NRG3: variants seen among roughly 807,000 people sequenced by gnomAD.
The protein encoded by NRG3 is pro-neuregulin-3, membrane-bound isoform.
A neutral mutation model predicts 66.9 loss-of-function variants in NRG3; 31 were observed. The observed-to-expected ratio is 0.46, with a 90% confidence interval of 0.35 to 0.63. The LOEUF (loss-of-function observed/expected upper bound fraction) is 0.63, where lower values mean the gene tolerates loss of function less well. Among genes scored for constraint, NRG3 ranks in the 20% least tolerant of loss-of-function variants. NRG3 has a pLI of 0.00. For synonymous variants in NRG3, 393 were observed against 359.4 expected, an observed-to-expected ratio of 1.09 and a Z score of -1.06; for missense variants, 910 against 878.9, an observed-to-expected ratio of 1.04 and a Z score of -0.45.
At chr10:82,406,838 G>C (rs1230218154) in intron 2 of NRG3, among the ~76,000 whole-genome samples, 1 of 152,026 alleles carries the variant, frequency 6.6e-6, no homozygotes, top group Non-Finnish European at 1.5e-5. Context: ...TCTATCCAAA[G>C]ACAAAATTGA....
At chr10:82,883,270 C>G (rs1162372401) in intron 4 of NRG3, among the ~76,000 whole-genome samples, 1 of 151,656 alleles carries the variant, frequency 6.6e-6, no homozygotes, top group Non-Finnish European at 1.5e-5. Context: ...CAATCAAATT[C>G]TTATTTCTGT....
chr10:82,145,179 C>G (rs1032401919), intron 1 of NRG3, among the ~76,000 whole-genome samples: 2 of 152,134 alleles, frequency 1.3e-5, no homozygotes, highest in African/African-American at 4.8e-5. Flanking sequence ...TGTGCATGCA[C>G]TAGAACTCGG....
intron 4 of NRG3, among the ~76,000 whole-genome samples, chr10:82,869,653 G>T (rs966505285): frequency 2.8e-5 from 4 of 143,522 alleles, no homozygotes; most frequent in Middle Eastern, 3.6e-3. Context: ...TGTCACCCAG[G>T]CTGGAGTGCA....
At chr10:82,215,927 A>G (rs1377125525) in intron 1 of NRG3, among the ~76,000 whole-genome samples, 1 of 150,710 alleles carries the variant, frequency 6.6e-6, no homozygotes, top group Non-Finnish European at 1.5e-5. Flanking sequence ...ATTTGTCAGG[A>G]AAAATTCGTG....
intron 1 of NRG3, among the ~76,000 whole-genome samples, chr10:82,298,421 T>C (rs1414604144): frequency 6.6e-6 from 1 of 152,194 alleles, no homozygotes; most frequent in East Asian, 1.9e-4. Flanking sequence ...ATTTAGCTTT[T>C]AAAATCTAGT....
intron 1 of NRG3, among the ~76,000 whole-genome samples, chr10:82,086,195 T>G (rs2065716655): frequency 1.3e-5 from 2 of 152,016 alleles, no homozygotes; most frequent in African/African-American, 4.8e-5. Context: ...AGAATTGGAG[T>G]CTCAGGAGAA....
intron 1 of NRG3, among the ~76,000 whole-genome samples, chr10:82,047,484 C>A (rs905405561): frequency 3.9e-5 from 6 of 151,968 alleles, no homozygotes; most frequent in East Asian, 1.9e-4. Context: ...CCCAGAATTT[C>A]ATATCCAGCC....
chr10:82,892,443 C>T (rs1040024394), intron 4 of NRG3, among the ~76,000 whole-genome samples: 3 of 152,182 alleles, frequency 2.0e-5, no homozygotes, highest in East Asian at 1.9e-4. Context: ...GTGGGAGGAT[C>T]GCTTGAAGCC....
intron 2 of NRG3, among the ~76,000 whole-genome samples, chr10:82,683,747 T>C (rs546156816): frequency 1.3e-5 from 2 of 152,372 alleles, no homozygotes; most frequent in South Asian, 4.1e-4. Flanking sequence ...TATATTTTAG[T>C]AATACTTGTA....
Position 82,362,548 on chromosome 10 carries a change from G to GTTTTTTTTTTTTTTTT in NRG3, c.953+3686_953+3701dup, listed in dbSNP as rs10694679. Among the ~76,000 whole-genome samples the GTTTTTTTTTTTTTTTT allele has an allele frequency of 3.6e-3, 300 of 83,180 alleles. 57 individuals are homozygous for GTTTTTTTTTTTTTTTT. The highest frequency in any genetic ancestry group is 8.9e-3 in the Middle Eastern group (1 of 112). 54.6% of individuals were successfully genotyped at this position (83,180 alleles called of 152,430 possible). A position where few individuals can be genotyped will look rare whatever the true frequency, so the allele number is the denominator to read the frequency against. Reference sequence around the variant, plus strand: ...ACCACCATGCCCAGATAATTTCTGGGTTTTTTTTTTTTTTTTTTTTTCGTA... The same window carrying GTTTTTTTTTTTTTTTT: ...ACCACCATGCCCAGATAATTTCTGGGTTTTTTTTTTTTTTTTTTTTTTTTTTTTTTTTTTTTTCGTA... On this transcript the variant is annotated intron_variant, in intron 2 of 8. Coordinates refer to ENST00000372141, the MANE Select transcript of NRG3 (RefSeq NM_001010848.4).
intron 2 of NRG3, among the ~76,000 whole-genome samples, chr10:82,491,004 A>G (rs986035198): frequency 1.3e-5 from 2 of 151,894 alleles, no homozygotes; most frequent in Admixed American, 6.6e-5. Context: ...TGACCTCACC[A>G]TCTGACTCAG....
At chr10:81,926,724 G>T (rs1846828062) in intron 1 of NRG3, among the ~76,000 whole-genome samples, 1 of 152,108 alleles carries the variant, frequency 6.6e-6, no homozygotes, top group African/African-American at 2.4e-5. Context: ...AAAAAACAAA[G>T]CTGGTTTATG....
chr10:82,453,966 T>C (rs1442761335), intron 2 of NRG3, among the ~76,000 whole-genome samples: 1 of 152,192 alleles, frequency 6.6e-6, no homozygotes, highest in Non-Finnish European at 1.5e-5. Context: ...AGTCATAAAA[T>C]TGGAACTGGA....
chr10:82,629,129 G>T (rs1277868491), intron 2 of NRG3, among the ~76,000 whole-genome samples: 1 of 152,144 alleles, frequency 6.6e-6, no homozygotes, highest in Non-Finnish European at 1.5e-5. Context: ...TTAGGGAGGA[G>T]CATTCAAGGG....
chr10:82,795,157 T>C (rs1359234704), intron 3 of NRG3, among the ~76,000 whole-genome samples: 1 of 152,242 alleles, frequency 6.6e-6, no homozygotes, highest in East Asian at 1.9e-4. Context: ...TAATTTGATA[T>C]CACAAAAGAG....
chr10:82,284,163 G>A (rs2079279804), intron 1 of NRG3, among the ~76,000 whole-genome samples: 1 of 152,170 alleles, frequency 6.6e-6, no homozygotes, highest in South Asian at 2.1e-4. Flanking sequence ...TGCGTATCAG[G>A]GAGCTGCAGA....
chr10:82,775,183 A>T (rs7093189), intron 3 of NRG3, among the ~76,000 whole-genome samples: 27,520 of 149,448 alleles, frequency 0.18, 4,102 homozygotes, highest in African/African-American at 0.42. Context: ...ACTGGTTCCT[A>T]GAGGCATAAT....
At chr10:82,670,973 C>A (rs1162924477) in intron 2 of NRG3, among the ~76,000 whole-genome samples, 2 of 152,172 alleles carry the variant, frequency 1.3e-5, no homozygotes, top group Non-Finnish European at 2.9e-5. Context: ...GAAGCCTGGG[C>A]TCCATTCTCT....
At chr10:82,140,799 G>A (rs1124305) in intron 1 of NRG3, among the ~76,000 whole-genome samples, 81,022 of 151,972 alleles carry the variant, frequency 0.53, 23,215 homozygotes, top group Non-Finnish European at 0.66. Context: ...GTCTTGGCAC[G>A]AAGTTTCACA....
Sources: allele counts gnomAD v4.1 joint callset (sites outside exome capture counted in the v4.1 genomes callset), GRCh38; gene constraint gnomAD v4.1.1; transcripts MANE v1.5; gene names NCBI Gene and HGNC (gene_info 2026-07-23, HGNC 2026-07-21).